PCDH9: variants seen among roughly 807,000 people sequenced by gnomAD.
PCDH9 encodes the protein protocadherin-9.
In PCDH9, 24 loss-of-function variants were observed where a neutral mutation model predicts 70.6. The ratio of observed to expected loss-of-function variants is 0.34; its 90% confidence interval spans 0.25 to 0.48. The LOEUF (loss-of-function observed/expected upper bound fraction) is 0.48, where lower values mean the gene tolerates loss of function less well. Ranked by LOEUF, PCDH9 falls within the 20% of genes least tolerant of loss-of-function variation. The probability of loss-of-function intolerance (pLI) is 0.99; values close to 1 mark genes in which losing one functional copy is unlikely to be tolerated. For synonymous variants in PCDH9, 562 were observed against 558.5 expected (o/e 1.01, Z -0.09); for missense variants, 1,281 against 1,503.6 (o/e 0.85, Z 2.45).
At chr13:66,783,712 T>C (rs981243212) in intron 3 of PCDH9, among the ~76,000 whole-genome samples, 7 of 152,170 alleles carry the variant, frequency 4.6e-5, no homozygotes, top group African/African-American at 1.7e-4. Flanking sequence ...TGAGATGATC[T>C]TTCTGTTATA....
At chr13:66,974,490 T>C (rs1000491283) in intron 2 of PCDH9, among the ~76,000 whole-genome samples, 1 of 151,884 alleles carries the variant, frequency 6.6e-6, no homozygotes, top group African/African-American at 2.4e-5. Flanking sequence ...GGAAAAGAAG[T>C]AGGGAAGTGG....
chr13:66,555,938 ATAT>A (rs933856310), intron 4 of PCDH9, among the ~76,000 whole-genome samples: 4 of 148,254 alleles, frequency 2.7e-5, no homozygotes, highest in Non-Finnish European at 5.9e-5. Context: ...AGATATATAC[ATAT>A]TATATATATA....
In PCDH9 at chr13:67,088,405, T is replaced by A. The variant is rs142347902; in HGVS notation, c.3036+137000A>T. 5.3e-3 allele frequency among the ~76,000 whole-genome samples: 807 copies of A among 152,116 alleles called. 5 individuals are homozygous for A. Among genetic ancestry groups the A allele is most frequent in the African/African-American group, 0.018 (753 of 41,518 alleles). ...CTATGTGCCACTGATACATCTCGCA[T>A]AGAGAATTCATTAGGGACAAAACAG... On this transcript the variant is annotated intron_variant, in intron 2 of 4. Coordinates refer to ENST00000377865, the MANE Select transcript of PCDH9 (RefSeq NM_203487.3).
chr13:66,803,020 TGA>T (rs1426771585), intron 3 of PCDH9, among the ~76,000 whole-genome samples: 2 of 152,116 alleles, frequency 1.3e-5, no homozygotes, highest in Non-Finnish European at 2.9e-5. Context: ...TTCTAGAATT[TGA>T]GTTATTAAAT....
rs760857425 is a variant in PCDH9, at chr13:67,227,223, C to T, written c.1218G>A (p.Glu406=). ...NGKVICFIER[E]VPFHLKAVYD... is the part of the protein sequence containing the mutation. Reference sequence around the variant, plus strand: ...ATACCGCCTTCAAATGAAATGGGACCTCTCTTTCAATAAAACAGATCACTT... The same window carrying T: ...ATACCGCCTTCAAATGAAATGGGACTTCTCTTTCAATAAAACAGATCACTT... Residue 406 remains glutamate (E), a synonymous_variant, in exon 2 of 5, where the codon GAG becomes GAA. Transcript: ENST00000377865. The surrounding 1 kb of genome is among the most constrained non-coding windows in gnomAD (Gnocchi z 4.6). 3 of 1,613,536 alleles carry T rather than the reference C, an allele frequency of 1.9e-6. No homozygotes were observed. Among genetic ancestry groups the T allele is most frequent in the Admixed American group, 3.3e-5 (2 of 60,002 alleles).
chr13:66,360,194 A>AT (rs1956446247), intron 4 of PCDH9, among the ~76,000 whole-genome samples: 2 of 152,072 alleles, frequency 1.3e-5, no homozygotes, highest in Non-Finnish European at 2.9e-5. Context: ...GATGCCTCGG[A>AT]TATTAGTGTG....
rs565305729 is a variant in PCDH9 at position 66,603,319 on chromosome 13, C to T, written c.3340+27891G>A. On this transcript the variant is annotated intron_variant, in intron 4 of 4. Transcript: ENST00000377865. ...TTAAAGAATGTGGCTACAATAACCACCAAAAAGGTTTTAACATTTTTATTT... is the reference window on the plus strand; with the variant it reads ...TTAAAGAATGTGGCTACAATAACCATCAAAAAGGTTTTAACATTTTTATTT... 6.7e-4 allele frequency among the ~76,000 whole-genome samples: 102 copies of T among 151,934 alleles called. 3 individuals carry two copies. In the South Asian group the frequency reaches 0.021, roughly 31 times the overall value.
At chr13:66,723,826 C>T (rs2078972259) in intron 3 of PCDH9, among the ~76,000 whole-genome samples, 1 of 152,142 alleles carries the variant, frequency 6.6e-6, no homozygotes, top group Non-Finnish European at 1.5e-5. Context: ...CTGGAGAGCC[C>T]AGAACCAAGG....
At chr13:66,645,842 T>C (rs1198880236) in intron 3 of PCDH9, among the ~76,000 whole-genome samples, 1 of 152,026 alleles carries the variant, frequency 6.6e-6, no homozygotes, top group East Asian at 1.9e-4. Flanking sequence ...TAATTACAAA[T>C]GAAATAGGTA....
chr13:66,304,260 C>CAAA lies in PCDH9; in HGVS notation c.*392_*394dup, dbSNP rs55837718. On this transcript the variant is annotated 3_prime_UTR_variant, in exon 5 of 5. Coordinates refer to ENST00000377865, the MANE Select transcript of PCDH9 (RefSeq NM_203487.3). ...TAGCAGTCCCAGCACAAATCAATGA[C>CAAA]AAAAAAAAAAAAAAAAAAAAAAAAA... 68 of 65,518 alleles carry CAAA rather than the reference C, an allele frequency of 1.0e-3. 3 individuals are homozygous for CAAA. The highest frequency in any genetic ancestry group is 4.5e-3 in the South Asian group (7 of 1,556). The allele number at this position is 65,518 out of a possible 1,614,324, so 4.1% of individuals were successfully genotyped here. A position where few individuals can be genotyped will look rare whatever the true frequency, so the allele number is the denominator to read the frequency against.
chr13:67,061,529 AT>A (rs1665763954), intron 2 of PCDH9, among the ~76,000 whole-genome samples: 1 of 152,110 alleles, frequency 6.6e-6, no homozygotes, highest in South Asian at 2.1e-4. Flanking sequence ...ATCATGACTT[AT>A]GAAAAAAGGA....
intron 2 of PCDH9, among the ~76,000 whole-genome samples, chr13:66,960,364 C>T (rs1023417238): frequency 5.3e-5 from 8 of 152,148 alleles, no homozygotes; most frequent in Non-Finnish European, 2.9e-5. Flanking sequence ...GAGTGCTTTG[C>T]TGACTACCAT....
intron 3 of PCDH9, among the ~76,000 whole-genome samples, chr13:66,899,847 A>G (rs2082248792): frequency 6.6e-6 from 1 of 152,004 alleles, no homozygotes; most frequent in South Asian, 2.1e-4. Context: ...AAACTTAAAC[A>G]TGACAGTTTA....
At chr13:66,508,528 G>A (rs184014636) in intron 4 of PCDH9, among the ~76,000 whole-genome samples, 21 of 152,116 alleles carry the variant, frequency 1.4e-4, no homozygotes, top group Non-Finnish European at 2.8e-4. Context: ...ACCAAAGAAC[G>A]GACCATTACT....
chr13:66,318,010 A>G (rs1248698909), intron 4 of PCDH9, among the ~76,000 whole-genome samples: 1 of 152,144 alleles, frequency 6.6e-6, no homozygotes, highest in East Asian at 1.9e-4. Flanking sequence ...TCCTAAGGGA[A>G]CTGTTGAAAA....
intron 2 of PCDH9, among the ~76,000 whole-genome samples, chr13:66,923,932 T>C (rs1410733770): frequency 5.9e-5 from 9 of 151,826 alleles, no homozygotes; most frequent in Non-Finnish European, 1.5e-5. Context: ...TGAGGTTTAA[T>C]ACTTTTATGT....
At chr13:66,902,146 A>G (rs1445196538) in intron 3 of PCDH9, among the ~76,000 whole-genome samples, 1 of 151,700 alleles carries the variant, frequency 6.6e-6, no homozygotes, top group Non-Finnish European at 1.5e-5. Flanking sequence ...GTTGGAAACT[A>G]TGGTTCTTCT....
At chr13:66,947,005 A>G (rs1020314982) in intron 2 of PCDH9, among the ~76,000 whole-genome samples, 4 of 152,140 alleles carry the variant, frequency 2.6e-5, no homozygotes, top group African/African-American at 9.7e-5. Context: ...TTTTAGCACA[A>G]GGATAAAAAA....
In PCDH9 at chr13:66,920,658, C is replaced by T. The variant is rs374066975; in HGVS notation, c.3037-17053G>A. Among the ~76,000 whole-genome samples, 691 of 151,314 alleles carry T rather than the reference C, an allele frequency of 4.6e-3. 8 individuals are homozygous for T. Among genetic ancestry groups the T allele is most frequent in the South Asian group, 0.029 (142 of 4,822 alleles). On this transcript the variant is annotated intron_variant, in intron 2 of 4. Transcript: ENST00000377865. ...AAAACAAACACAAAACCCCAATCCT[C>T]AAGCCATGTAATGTAAAATTATGCA...
Sources: allele counts gnomAD v4.1 joint callset (sites outside exome capture counted in the v4.1 genomes callset), GRCh38; gene constraint gnomAD v4.1.1; non-coding constraint Gnocchi (gnomAD v3.1); transcripts MANE v1.5; gene names NCBI Gene and HGNC (gene_info 2026-07-23, HGNC 2026-07-21).